SEPTIN9: variants seen among roughly 807,000 people sequenced by gnomAD.
The protein encoded by SEPTIN9 is septin 9.
SEPTIN9 carries 13 observed loss-of-function variants against 56.6 expected under a neutral mutation model. The observed-to-expected ratio is 0.23, with a 90% confidence interval of 0.15 to 0.37. The LOEUF (loss-of-function observed/expected upper bound fraction) is 0.37, where lower values mean the gene tolerates loss of function less well. Ranked by LOEUF, SEPTIN9 falls within the 10% of genes least tolerant of loss-of-function variation. The probability of loss-of-function intolerance (pLI) is 1.00; values close to 1 mark genes in which losing one functional copy is unlikely to be tolerated. For missense variants in SEPTIN9, 650 were observed against 823.1 expected, an observed-to-expected ratio of 0.79 and a Z score of 2.57; for synonymous variants, 332 against 334.1, an observed-to-expected ratio of 0.99 and a Z score of 0.07.
intron 2 of SEPTIN9, among the ~76,000 whole-genome samples, chr17:77,324,195 C>G (rs1164761955): frequency 6.6e-6 from 1 of 152,230 alleles, no homozygotes. Context: ...GGATTTAGGG[C>G]CCACTGGGTA....
At chr17:77,303,746 A>G (rs536315754) in intron 1 of SEPTIN9, among the ~76,000 whole-genome samples, 1 of 152,050 alleles carries the variant, frequency 6.6e-6, no homozygotes, top group African/African-American at 2.4e-5. Flanking sequence ...TGTGCCAGGC[A>G]CTGTGCTAGT....
chr17:77,289,109 G>A (rs1205877442), intron 1 of SEPTIN9, among the ~76,000 whole-genome samples: 1 of 152,048 alleles, frequency 6.6e-6, no homozygotes, highest in Non-Finnish European at 1.5e-5. Flanking sequence ...GTTTGGTTTG[G>A]TTTTTGAGAC....
chr17:77,475,794 G>A lies in SEPTIN9; in HGVS notation c.722-6350G>A. The A allele has an allele frequency of 1.2e-6, 2 of 1,613,406 alleles. No homozygotes were observed. The highest frequency in any genetic ancestry group is 1.7e-6 in the Non-Finnish European group (2 of 1,179,882). On this transcript the variant is annotated intron_variant, in intron 3 of 11. Coordinates refer to ENST00000427177, the MANE Select transcript of SEPTIN9 (RefSeq NM_001113491.2). This position sits in a 1 kb window ranked among gnomAD's most constrained non-coding sequence, Gnocchi z 4.6. ...CTGGAAGGCTGACAGGGTGTGGTGA[G>A]TGCCACCGGCTCCCCTGCCGTGGCC...
intron 3 of SEPTIN9, among the ~76,000 whole-genome samples, chr17:77,461,381 G>C (rs2038466284): frequency 6.6e-6 from 1 of 152,130 alleles, no homozygotes; most frequent in Non-Finnish European, 1.5e-5. Context: ...TGTGAGGAGA[G>C]GGTGAGGAGC....
intron 3 of SEPTIN9, among the ~76,000 whole-genome samples, chr17:77,432,922 G>A (rs1055791023): frequency 6.6e-6 from 1 of 152,200 alleles, no homozygotes; most frequent in African/African-American, 2.4e-5. Context: ...GGAATTTCTG[G>A]CCCCTTGGCA....
chr17:77,372,563 C>G (rs1341275562), intron 2 of SEPTIN9, among the ~76,000 whole-genome samples: 1 of 152,220 alleles, frequency 6.6e-6, no homozygotes, highest in East Asian at 1.9e-4. Flanking sequence ...CTGACAAGGT[C>G]TACTTCCTGC....
At chr17:77,485,012 G>C (rs2039675484) in intron 4 of SEPTIN9, among the ~76,000 whole-genome samples, 1 of 12,142 alleles carries the variant, frequency 8.2e-5, no homozygotes, top group Non-Finnish European at 1.8e-4. Flanking sequence ...GGGGGTGATG[G>C]TGGTGATTGT....
chr17:77,374,161 A>C (rs2034828493), intron 2 of SEPTIN9: 1 of 152,238 alleles, frequency 6.6e-6, no homozygotes, highest in Admixed American at 6.5e-5. Context: ...CTAGAGTGGG[A>C]TGTCCCATGG....
At chr17:77,373,472 G>A in intron 2 of SEPTIN9, 2 of 1,522,016 alleles carry the variant, frequency 1.3e-6, no homozygotes, top group South Asian at 1.2e-5. Flanking sequence ...GCTGCCCTCC[G>A]CGCGACCCGC....
chr17:77,436,077 C>T lies in SEPTIN9; in HGVS notation c.721+33374C>T, dbSNP rs1317743674. Among the ~76,000 whole-genome samples, 1 of 152,214 alleles carries T rather than the reference C, an allele frequency of 6.6e-6. No homozygotes were observed. Among genetic ancestry groups the T allele is most frequent in the Non-Finnish European group, 1.5e-5 (1 of 68,046 alleles). On this transcript the variant is annotated intron_variant, in intron 3 of 11. Transcript: ENST00000427177. This position sits in a 1 kb window ranked among gnomAD's most constrained non-coding sequence, Gnocchi z 4.4. ...TTGCCATCCACACTGGCTTCCACGG[C>T]TGGGTGGGAGTTGAGTTGAGCTCGG... is the stretch of plus-strand genomic sequence containing the variant.
chr17:77,368,520 C>T (rs1202041482), intron 2 of SEPTIN9, among the ~76,000 whole-genome samples: 3 of 152,234 alleles, frequency 2.0e-5, no homozygotes, highest in South Asian at 2.1e-4. Flanking sequence ...CCATGTTGGC[C>T]AGGCTGGTCT....
chr17:77,291,628 G>A (rs960534406), intron 1 of SEPTIN9, among the ~76,000 whole-genome samples: 4 of 151,978 alleles, frequency 2.6e-5, no homozygotes, highest in Non-Finnish European at 4.4e-5. Context: ...GTGAAACTCC[G>A]TCTCAAAAAA....
chr17:77,322,013 C>G (rs757186105), intron 2 of SEPTIN9, among the ~76,000 whole-genome samples: 1 of 152,222 alleles, frequency 6.6e-6, no homozygotes, highest in Non-Finnish European at 1.5e-5. Flanking sequence ...GGGCAGACCA[C>G]AGTGGGTCCC....
In SEPTIN9 at chr17:77,450,796, GC is replaced by G. The variant is rs541491235; in HGVS notation, c.722-31343del. ...GGAGGAAGAGCTCAGGGTGAGCTGC[GC>G]CCCCATCCCCTGCCCCTCCTCTCCT... On this transcript the variant is annotated intron_variant, in intron 3 of 11. Coordinates refer to ENST00000427177, the MANE Select transcript of SEPTIN9 (RefSeq NM_001113491.2). The surrounding 1 kb of genome is among the most constrained non-coding windows in gnomAD (Gnocchi z 6.0). 74 of 986,212 alleles carry G rather than the reference GC, an allele frequency of 7.5e-5. No homozygotes were observed. The Middle Eastern group carries it at 2.1e-3, about 28-fold the overall frequency. The allele number at this position is 986,212 out of a possible 1,614,324, so 61.1% of individuals were successfully genotyped here. A position where few individuals can be genotyped will look rare whatever the true frequency, so the allele number is the denominator to read the frequency against.
chr17:77,357,182 C>T (rs118168944), intron 2 of SEPTIN9, among the ~76,000 whole-genome samples: 3,354 of 152,122 alleles, frequency 0.022, 58 homozygotes, highest in Middle Eastern at 0.048. Context: ...GGTGTGGGGG[C>T]AGATGGGGAA....
intron 2 of SEPTIN9, among the ~76,000 whole-genome samples, chr17:77,391,103 T>G (rs2035525571): frequency 6.6e-6 from 1 of 152,136 alleles, no homozygotes; most frequent in Non-Finnish European, 1.5e-5. Context: ...GAGAGGGCAG[T>G]GGGGCGAGGC....
Position 77,429,772 on chromosome 17 carries a change from C to T in SEPTIN9, c.721+27069C>T, listed in dbSNP as rs2037058536. Among the ~76,000 whole-genome samples, 2 of 152,118 alleles carry T rather than the reference C, an allele frequency of 1.3e-5. No homozygotes were observed. Among genetic ancestry groups the T allele is most frequent in the Admixed American group, 1.3e-4 (2 of 15,278 alleles). On this transcript the variant is annotated intron_variant, in intron 3 of 11. Transcript: ENST00000427177. The surrounding 1 kb of genome is among the most constrained non-coding windows in gnomAD (Gnocchi z 5.2). ...GGGACCCAGGGGGTCTTAGAGACCT[C>T]AGAGCTGAGACTCGGGACCACAGAG... is the stretch of plus-strand genomic sequence containing the variant.
intron 3 of SEPTIN9, among the ~76,000 whole-genome samples, chr17:77,411,982 T>C (rs1036933334): frequency 3.3e-5 from 5 of 151,774 alleles, no homozygotes; most frequent in African/African-American, 9.7e-5. Flanking sequence ...ATACAAAAAT[T>C]AGCTGGGCAT....
chr17:77,485,517 G>T (rs112661138), intron 4 of SEPTIN9, among the ~76,000 whole-genome samples: 14 of 151,956 alleles, frequency 9.2e-5, no homozygotes, highest in African/African-American at 3.1e-4. Flanking sequence ...TGCTGATGGG[G>T]ATGGTGGTGA....
Sources: gnomAD v4.1 joint callset for allele counts (sites outside exome capture counted in the v4.1 genomes callset) on GRCh38, gnomAD v4.1.1 for gene constraint, Gnocchi (gnomAD v3.1) non-coding constraint, MANE v1.5 for transcripts, NCBI Gene and HGNC (gene_info 2026-07-23, HGNC 2026-07-21) for gene names.